LIMS1: variants seen among roughly 807,000 people sequenced by gnomAD.
LIMS1 encodes LIM and senescent cell antigen-like-containing domain protein 1.
In LIMS1, 18 loss-of-function variants were observed where a neutral mutation model predicts 44.1. The observed-to-expected ratio is 0.41, with a 90% CI of 0.28 to 0.61. LIMS1 has a LOEUF of 0.61. Ranked by LOEUF, LIMS1 falls within the 20% of genes least tolerant of loss-of-function variation. LIMS1 has a pLI of 0.32. For synonymous variants in LIMS1, 93 were observed against 149.1 expected (o/e 0.62, Z 2.74); for missense variants, 201 against 422.0 (o/e 0.48, Z 4.59).
In LIMS1 at chr2:108,535,868, T is replaced by C. The variant is rs183376745; in HGVS notation, c.32+1274T>C. Among the ~76,000 whole-genome samples, 68 of 152,290 alleles carry C rather than the reference T, an allele frequency of 4.5e-4. 1 individual carries two copies. In the South Asian group the frequency reaches 6.4e-3, roughly 14 times the overall value. ...TGTCAGTTGTTCTTTCCCGTAAAAA[T>C]GGTATTTCATGACACAAGCAAGTTA... On this transcript the variant is annotated intron_variant, in intron 1 of 9. Coordinates refer to ENST00000544547, the Ensembl canonical transcript of LIMS1.
chr2:108,677,641 C>G, intron 7 of LIMS1: 1 of 289,864 alleles, frequency 3.4e-6, no homozygotes, highest in South Asian at 4.7e-5. Context: ...TGCCCTCCAC[C>G]CATAGTCTGG....
At chr2:108,537,985 C>A (rs555503144) in intron 1 of LIMS1, among the ~76,000 whole-genome samples, 1 of 152,262 alleles carries the variant, frequency 6.6e-6, no homozygotes, top group East Asian at 1.9e-4. Flanking sequence ...AATAAATAAA[C>A]CTCAGTATAG....
intron 1 of LIMS1, among the ~76,000 whole-genome samples, chr2:108,540,193 CT>C (rs34386092): frequency 4.3e-3 from 405 of 93,328 alleles, no homozygotes; most frequent in Non-Finnish European, 4.7e-3. Flanking sequence ...GTACAGATTC[CT>C]TTTTTTTTTT....
chr2:108,569,560 G>T (rs1685411475), intron 1 of LIMS1, among the ~76,000 whole-genome samples: 1 of 152,036 alleles, frequency 6.6e-6, no homozygotes. Context: ...AGCATCATTT[G>T]TTGAAGAAAC....
At chr2:108,624,378 C>A (rs745753507) in intron 1 of LIMS1, among the ~76,000 whole-genome samples, 5 of 152,198 alleles carry the variant, frequency 3.3e-5, no homozygotes, top group Non-Finnish European at 7.3e-5. Context: ...TTTTTCTCTG[C>A]CTCAGATAGA....
chr2:108,587,774 C>A (rs189042835), intron 1 of LIMS1, among the ~76,000 whole-genome samples: 3 of 152,288 alleles, frequency 2.0e-5, no homozygotes, highest in Non-Finnish European at 4.4e-5. Flanking sequence ...GTGACTCAGT[C>A]GGATATGTGA....
chr2:108,583,067 T>C (rs1685947792), intron 1 of LIMS1, among the ~76,000 whole-genome samples: 1 of 152,114 alleles, frequency 6.6e-6, no homozygotes. Context: ...AGATGGAGTT[T>C]CATTCTTATT....
chr2:108,569,658 A>G (rs940450106), intron 1 of LIMS1, among the ~76,000 whole-genome samples: 3 of 151,940 alleles, frequency 2.0e-5, no homozygotes, highest in African/African-American at 7.3e-5. Flanking sequence ...GTGCAGTGGT[A>G]TAATCCTACT....
At chr2:108,576,264 A>AGTTTT (rs10628741) in intron 1 of LIMS1, among the ~76,000 whole-genome samples, 2,268 of 152,094 alleles carry the variant, frequency 0.015, 52 homozygotes, top group African/African-American at 0.046. Context: ...CAACTAAGCA[A>AGTTTT]GTTTTGTTTT....
chr2:108,653,239 T>C (rs900795084), intron 1 of LIMS1, among the ~76,000 whole-genome samples: 2 of 150,468 alleles, frequency 1.3e-5, no homozygotes, highest in Non-Finnish European at 3.0e-5. Context: ...CAACATAGGC[T>C]CTGGACTCAG....
At chr2:108,667,520 T>TGTA (rs546322214) in intron 2 of LIMS1, among the ~76,000 whole-genome samples, 1 of 135,728 alleles carries the variant, frequency 7.4e-6, no homozygotes, top group Admixed American at 7.4e-5. Context: ...ATACAGTGAT[T>TGTA]ATATTTTCAA....
chr2:108,649,962 A>C (rs1690346937), intron 1 of LIMS1, among the ~76,000 whole-genome samples: 1 of 152,230 alleles, frequency 6.6e-6, no homozygotes, highest in African/African-American at 2.4e-5. Flanking sequence ...TCGAACTTGA[A>C]GTATAATAAA....
At chr2:108,649,696 A>G (rs1473054480) in intron 1 of LIMS1, among the ~76,000 whole-genome samples, 3 of 152,236 alleles carry the variant, frequency 2.0e-5, no homozygotes, top group Non-Finnish European at 4.4e-5. Context: ...GCTGGAAACC[A>G]TCATTCTCAG....
chr2:108,613,364 A>T (rs1687763569), intron 1 of LIMS1, among the ~76,000 whole-genome samples: 1 of 152,224 alleles, frequency 6.6e-6, no homozygotes, highest in Non-Finnish European at 1.5e-5. Flanking sequence ...CATGAAGTAC[A>T]TCTGGCTCAT....
chr2:108,650,958 C>T (rs1158237226), intron 1 of LIMS1, among the ~76,000 whole-genome samples: 3 of 151,994 alleles, frequency 2.0e-5, no homozygotes, highest in Non-Finnish European at 4.4e-5. Flanking sequence ...GCATCATGGG[C>T]TCATAGTAAA....
At chr2:108,673,723 T>C (rs1281269806) in intron 5 of LIMS1, 1 of 152,152 alleles carries the variant, frequency 6.6e-6, no homozygotes, top group East Asian at 1.9e-4. Context: ...CTAAGAAAAT[T>C]AGCAATAATC....
intron 1 of LIMS1, among the ~76,000 whole-genome samples, chr2:108,562,235 C>A (rs1403982464): frequency 1.3e-5 from 2 of 152,136 alleles, no homozygotes; most frequent in South Asian, 4.1e-4. Context: ...TGAAATTAGA[C>A]CAATTAATAA....
At chr2:108,609,317 G>A (rs1687457297) in intron 1 of LIMS1, among the ~76,000 whole-genome samples, 1 of 152,022 alleles carries the variant, frequency 6.6e-6, no homozygotes, top group African/African-American at 2.4e-5. Flanking sequence ...GGCAGGTGTT[G>A]CTGCCTGGAG....
intron 8 of LIMS1, among the ~76,000 whole-genome samples, chr2:108,680,324 G>A (rs1221842733): frequency 6.4e-5 from 9 of 140,394 alleles, no homozygotes; most frequent in Admixed American, 3.1e-4. Flanking sequence ...CCGTGATTGC[G>A]CCACTGCACT....
Sources: gnomAD v4.1 joint callset for allele counts (sites outside exome capture counted in the v4.1 genomes callset) on GRCh38, gnomAD v4.1.1 for gene constraint, MANE v1.5 for transcripts, NCBI Gene and HGNC (gene_info 2026-07-23, HGNC 2026-07-21) for gene names.